The following SORCS2 variants were observed in gnomAD, a reference collection of about 807,000 sequenced individuals.
SORCS2 encodes the protein VPS10 domain-containing receptor SorCS2.
SORCS2 carries 100 observed loss-of-function variants against 141.6 expected under a neutral mutation model. That is an observed-to-expected ratio of 0.71 (90% CI 0.60 to 0.83). SORCS2 has a LOEUF of 0.83. SORCS2 is among the 40% of genes least tolerant of loss of function. The pLI is 0.00. For missense variants in SORCS2, 1,646 were observed against 1,560.2 expected (o/e 1.05, Z -0.93); for synonymous variants, 789 against 676.9 (o/e 1.17, Z -2.57).
chr4:7,515,925 C>A (rs1029954498), intron 2 of SORCS2, among the ~76,000 whole-genome samples: 1 of 152,186 alleles, frequency 6.6e-6, no homozygotes, highest in East Asian at 1.9e-4. Context: ...TTCTCTGGGC[C>A]TGTGTCCTCA....
chr4:7,613,877 CCATT>C (rs1407374683), intron 3 of SORCS2, among the ~76,000 whole-genome samples: 1 of 152,038 alleles, frequency 6.6e-6, no homozygotes, highest in African/African-American at 2.4e-5. Context: ...CATTCACCAT[CCATT>C]CATTCACCAT....
intron 11 of SORCS2, among the ~76,000 whole-genome samples, chr4:7,690,051 G>A (rs1724125493): frequency 6.6e-6 from 1 of 151,624 alleles, no homozygotes; most frequent in Admixed American, 6.6e-5. Context: ...ATGGATAGAT[G>A]CTGAATTGAT....
chr4:7,640,455 TG>T (rs571142262), intron 4 of SORCS2, among the ~76,000 whole-genome samples: 1,134 of 107,732 alleles, frequency 0.011, 6 homozygotes, highest in Middle Eastern at 0.021. Context: ...TGTGTGGGTG[TG>T]TATGAGCGTG....
At position 7,228,188 on chromosome 4, in the gene SORCS2, C is replaced by T. The variant is rs376716731; in HGVS notation, c.480+35062C>T. On this transcript the variant is annotated intron_variant, in intron 1 of 26. Transcript: ENST00000507866. Reference sequence around the variant, plus strand: ...CTCCTTGGCTCGCAGATGCTGTCTTCTCCCGGCATCCTCGTATGTGCCTGT... The same window carrying T: ...CTCCTTGGCTCGCAGATGCTGTCTTTTCCCGGCATCCTCGTATGTGCCTGT... Among the ~76,000 whole-genome samples, 17 of 152,304 alleles carry T rather than the reference C, an allele frequency of 1.1e-4. No homozygotes were observed. In the East Asian group the frequency reaches 3.3e-3, roughly 29 times the overall value.
chr4:7,697,013 G>T (rs1724754379), intron 11 of SORCS2, among the ~76,000 whole-genome samples, 185 bp from the exon 12 acceptor site: 1 of 152,210 alleles, frequency 6.6e-6, no homozygotes, highest in Non-Finnish European at 1.5e-5. Flanking sequence ...TTTGGGCAGG[G>T]CTGATCCTTC....
intron 1 of SORCS2, among the ~76,000 whole-genome samples, chr4:7,303,211 G>A (rs1436087015): frequency 2.0e-5 from 3 of 152,214 alleles, no homozygotes; most frequent in Non-Finnish European, 4.4e-5. Flanking sequence ...AGTGTGGGAA[G>A]TAAACTCCCG....
At chr4:7,724,471 G>GTGATGGTGATGA (rs1726918312) in intron 19 of SORCS2, among the ~76,000 whole-genome samples, 2 of 72,166 alleles carry the variant, frequency 2.8e-5, no homozygotes, top group Non-Finnish European at 5.3e-5. Flanking sequence ...GGTGGTGATG[G>GTGATGGTGATGA]TGATGGTGGT....
chr4:7,503,743 C>G (rs1732111346), intron 2 of SORCS2, among the ~76,000 whole-genome samples: 1 of 152,168 alleles, frequency 6.6e-6, no homozygotes, highest in Non-Finnish European at 1.5e-5. Flanking sequence ...GAGGCTAATG[C>G]AGGCCCAGAA....
At chr4:7,318,055 G>A (rs1046179835) in intron 1 of SORCS2, among the ~76,000 whole-genome samples, 30 of 152,166 alleles carry the variant, frequency 2.0e-4, no homozygotes, top group Admixed American at 1.8e-3. Context: ...GCAGACAGTC[G>A]CGTATCGTGC....
At position 7,602,985 on chromosome 4, in the gene SORCS2, C is replaced by G. The variant is rs139314505; in HGVS notation, c.649-35343C>G. Among the ~76,000 whole-genome samples, 1,374 of 152,316 alleles carry G rather than the reference C, an allele frequency of 9.0e-3. 27 individuals are homozygous for G. Among genetic ancestry groups the G allele is most frequent in the African/African-American group, 0.031 (1,299 of 41,570 alleles). On this transcript the variant is annotated intron_variant, in intron 3 of 26. Coordinates refer to ENST00000507866, the MANE Select transcript of SORCS2 (RefSeq NM_020777.3). Reference sequence around the variant, plus strand: ...CAGCCCGACCAACATGGCAAAACCCCGTCTCCACCAAAAAAATACAAAAAC... The same window carrying G: ...CAGCCCGACCAACATGGCAAAACCCGGTCTCCACCAAAAAAATACAAAAAC...
At chr4:7,707,656 G>C (rs976625236) in intron 14 of SORCS2, among the ~76,000 whole-genome samples, 34 of 152,252 alleles carry the variant, frequency 2.2e-4, no homozygotes, top group Admixed American at 5.2e-4. Flanking sequence ...CCCTGCCCCA[G>C]GCTCCAGGAG....
intron 1 of SORCS2, among the ~76,000 whole-genome samples, chr4:7,313,746 G>A (rs768906368): frequency 1.3e-5 from 2 of 152,186 alleles, no homozygotes; most frequent in Non-Finnish European, 2.9e-5. Flanking sequence ...CCGGAAGGAT[G>A]TGTTCAGAGA....
intron 2 of SORCS2, among the ~76,000 whole-genome samples, chr4:7,470,011 G>A (rs1729869396): frequency 6.6e-6 from 1 of 152,174 alleles, no homozygotes; most frequent in Non-Finnish European, 1.5e-5. Context: ...TGAAGTCACA[G>A]GGCCAGCAGG....
chr4:7,273,647 G>A (rs2108846371), intron 1 of SORCS2, among the ~76,000 whole-genome samples: 1 of 152,342 alleles, frequency 6.6e-6, no homozygotes, highest in South Asian at 2.1e-4. Context: ...GAATGGGGCT[G>A]GCTAGGGATT....
chr4:7,683,913 T>A lies in SORCS2; in HGVS notation c.1488+1024T>A, dbSNP rs1309300982. Among the ~76,000 whole-genome samples, 3 of 152,180 alleles carry A rather than the reference T, an allele frequency of 2.0e-5. No homozygotes were observed. In the East Asian group the frequency reaches 5.8e-4, roughly 29 times the overall value. ...GGGATCCAGGTGGTGCACAGGCCCA[T>A]GCTGGTGAGGAAGGAGAGACAGAGC... On this transcript the variant is annotated intron_variant, in intron 10 of 26. Coordinates refer to ENST00000507866, the MANE Select transcript of SORCS2 (RefSeq NM_020777.3).
chr4:7,314,340 T>A (rs13130411), intron 1 of SORCS2, among the ~76,000 whole-genome samples: 2 of 55,756 alleles, frequency 3.6e-5, no homozygotes, highest in East Asian at 4.4e-4. Context: ...TTATTTTTTT[T>A]ATTTTTTTTT....
intron 2 of SORCS2, among the ~76,000 whole-genome samples, chr4:7,450,844 GTGAA>G (rs1211578538): frequency 2.6e-5 from 4 of 152,076 alleles, no homozygotes; most frequent in Middle Eastern, 3.2e-3. Flanking sequence ...GAGTGAATGA[GTGAA>G]TGGATGGGAG....
At chr4:7,672,487 A>ATGT (rs1027774596) in intron 8 of SORCS2, among the ~76,000 whole-genome samples, 1 of 152,232 alleles carries the variant, frequency 6.6e-6, no homozygotes, top group Non-Finnish European at 1.5e-5. Context: ...TCTATTAAAA[A>ATGT]TGTTTTTAAA....
intron 1 of SORCS2, among the ~76,000 whole-genome samples, chr4:7,271,052 A>G (rs1715090710): frequency 1.3e-5 from 2 of 152,216 alleles, no homozygotes; most frequent in South Asian, 4.1e-4. Context: ...CATGACAACC[A>G]CAAGCCAGCC....
Sources: gnomAD v4.1 joint callset for allele counts (sites outside exome capture counted in the v4.1 genomes callset) on GRCh38, gnomAD v4.1.1 for gene constraint, MANE v1.5 for transcripts, NCBI Gene and HGNC (gene_info 2026-07-23, HGNC 2026-07-21) for gene names.